Variants in AIM2 observed in about 807,000 individuals in gnomAD.
The protein encoded by AIM2 is absent in melanoma 2, also known as interferon-inducible protein AIM2.
In AIM2, 30 loss-of-function variants were observed where a neutral mutation model predicts 27.7. The observed-to-expected ratio is 1.08, with a 90% CI of 0.81 to 1.47. AIM2 has a LOEUF of 1.47. Among genes scored for constraint, AIM2 ranks in the 40% most tolerant of loss-of-function variants. The pLI is 0.00. For synonymous variants in AIM2, 141 were observed against 145.3 expected, an observed-to-expected ratio of 0.97 and a Z score of 0.21; for missense variants, 358 against 411.3, an observed-to-expected ratio of 0.87 and a Z score of 1.12.
At chr1:159,067,194 G>A (rs1346141490) in intron 3 of AIM2, among the ~76,000 whole-genome samples, 1 of 152,070 alleles carries the variant, frequency 6.6e-6, no homozygotes, top group Non-Finnish European at 1.5e-5. Flanking sequence ...AGCAGTTAAA[G>A]CACACACACA....
intron 1 of AIM2, among the ~76,000 whole-genome samples, chr1:159,093,689 A>G (rs1657101323): frequency 6.6e-6 from 1 of 151,176 alleles, no homozygotes; most frequent in Admixed American, 6.6e-5. Flanking sequence ...TTATTTATTT[A>G]GAAAATATAT....
chr1:159,055,543 C>T, the AIM2 span, among the ~76,000 whole-genome samples: 1 of 152,186 alleles, frequency 6.6e-6, no homozygotes. Flanking sequence ...TCTGGGCCTG[C>T]CTGATGTGAA....
At chr1:159,098,643 C>T (rs913038433) in intron 1 of AIM2, among the ~76,000 whole-genome samples, 5 of 152,050 alleles carry the variant, frequency 3.3e-5, no homozygotes, top group Admixed American at 6.6e-5. Context: ...ACACGGGATG[C>T]TGAAGGAAAA....
intron 1 of AIM2, among the ~76,000 whole-genome samples, chr1:159,139,942 C>T (rs541531123): frequency 6.6e-6 from 1 of 152,178 alleles, no homozygotes; most frequent in Non-Finnish European, 1.5e-5. Flanking sequence ...TTAAGCACCT[C>T]CATTACCATG....
intron 1 of AIM2, among the ~76,000 whole-genome samples, chr1:159,097,612 C>T (rs1657205191): frequency 6.6e-6 from 1 of 152,160 alleles, no homozygotes; most frequent in Non-Finnish European, 1.5e-5. Context: ...CCTCATTTCT[C>T]CACTTAACTG....
intron 1 of AIM2, among the ~76,000 whole-genome samples, chr1:159,083,355 TA>T (rs1656826275): frequency 6.6e-6 from 1 of 152,142 alleles, no homozygotes; most frequent in South Asian, 2.1e-4. Flanking sequence ...ATGGAGTGGC[TA>T]AAATTGAAAA....
At chr1:159,128,336 A>C (rs1258062489) in intron 1 of AIM2, among the ~76,000 whole-genome samples, 1 of 151,870 alleles carries the variant, frequency 6.6e-6, no homozygotes, top group African/African-American at 2.4e-5. Flanking sequence ...GGGTTACACG[A>C]GTGGCCTGTC....
chr1:159,144,979 A>G (rs1443861386), upstream of AIM2, among the ~76,000 whole-genome samples: 1 of 152,136 alleles, frequency 6.6e-6, no homozygotes, highest in Non-Finnish European at 1.5e-5. Context: ...CCCAGGCCCT[A>G]TGATGCCGTA....
Position 159,073,326 on chromosome 1 carries a change from C to A in AIM2, c.174G>T (p.Ala58=), listed in dbSNP as rs760542046. The change falls in exon 2 of 6, where the codon GCG becomes GCT. Residue 58 remains alanine (A), a synonymous_variant. Coordinates refer to ENST00000368130, the MANE Select transcript of AIM2 (RefSeq NM_004833.3). ...GAATGGTCTTCATCACTGCAGACAC[C>A]GCCCCAGCATTTTGAATCATCAAGG... ...VATLMIQNAG[A]VSAVMKTIRI... 4 of 1,614,054 alleles carry A rather than the reference C, an allele frequency of 2.5e-6. No homozygotes were observed. Among genetic ancestry groups the A allele is most frequent in the Non-Finnish European group, 3.4e-6 (4 of 1,180,046 alleles).
At chr1:159,108,750 G>A (rs551734819) in intron 1 of AIM2, among the ~76,000 whole-genome samples, 19 of 152,136 alleles carry the variant, frequency 1.2e-4, no homozygotes, top group Middle Eastern at 3.4e-3. Flanking sequence ...CATCAACAGC[G>A]TCCGAGCTGA....
chr1:159,110,710 T>C (rs1450076744), intron 1 of AIM2, among the ~76,000 whole-genome samples: 1 of 152,206 alleles, frequency 6.6e-6, no homozygotes, highest in Non-Finnish European at 1.5e-5. Context: ...GAAAAATATG[T>C]GTTCCTTCTC....
intron 2 of AIM2, among the ~76,000 whole-genome samples, chr1:159,070,193 G>A (rs201034296): frequency 1.3e-4 from 1 of 7,768 alleles, no homozygotes; most frequent in Non-Finnish European, 5.9e-3. Context: ...ACCTGTCTCA[G>A]TTAATTTGCC....
At chr1:159,131,187 A>G (rs984343679) in intron 1 of AIM2, among the ~76,000 whole-genome samples, 8 of 152,252 alleles carry the variant, frequency 5.3e-5, no homozygotes, top group African/African-American at 1.7e-4. Context: ...CTTATTCCCA[A>G]TGCATCTCCA....
Position 159,073,389 on chromosome 1 carries a change from T to C in AIM2, c.111A>G (p.Thr37=), listed in dbSNP as rs147420667. The C allele has an allele frequency of 1.2e-5, 20 of 1,614,242 alleles. No individual in the cohort carries two copies. Among genetic ancestry groups the C allele is most frequent in the Non-Finnish European group, 1.5e-5 (18 of 1,180,048 alleles). The change falls in exon 2 of 6, where the codon ACA becomes ACG. Residue 37 remains threonine, a synonymous_variant. Coordinates refer to ENST00000368130, the MANE Select transcript of AIM2 (RefSeq NM_004833.3). ...FFLSDEFNIA[T]GKLHTANRIQ... Reference sequence around the variant, plus strand: ...TTCTGTTTGCAGTATGTAGTTTGCCTGTGGCAATATTAAACTCGTCTGAAA... The same window carrying C: ...TTCTGTTTGCAGTATGTAGTTTGCCCGTGGCAATATTAAACTCGTCTGAAA...
intron 1 of AIM2, among the ~76,000 whole-genome samples, chr1:159,122,619 TG>T (rs1251296354): frequency 2.0e-5 from 3 of 152,114 alleles, no homozygotes; most frequent in African/African-American, 4.8e-5. Flanking sequence ...AGAAAAACAA[TG>T]GCACTGAGAA....
chr1:159,104,542 T>C (rs539298682), intron 1 of AIM2, among the ~76,000 whole-genome samples: 1 of 152,242 alleles, frequency 6.6e-6, no homozygotes, highest in Non-Finnish European at 1.5e-5. Context: ...AATTGAGATG[T>C]GCTGTAAGAT....
intron 1 of AIM2, among the ~76,000 whole-genome samples, chr1:159,130,850 A>G (rs1234267440): frequency 6.7e-6 from 1 of 148,768 alleles, no homozygotes; most frequent in East Asian, 2.0e-4. Flanking sequence ...ACACGCACGC[A>G]CTCTTCAAAT....
At chr1:159,069,888 T>C (rs997309346) in intron 2 of AIM2, among the ~76,000 whole-genome samples, 1 of 152,174 alleles carries the variant, frequency 6.6e-6, no homozygotes, top group African/African-American at 2.4e-5. Flanking sequence ...TTTCCTTCTG[T>C]CGAGGGGACC....
downstream of AIM2, among the ~76,000 whole-genome samples, chr1:159,062,318 A>T (rs933943634): frequency 6.6e-6 from 1 of 152,220 alleles, no homozygotes. Context: ...CACATGTTGT[A>T]CAGGATCTTC....
Sources: allele counts gnomAD v4.1 joint callset (sites outside exome capture counted in the v4.1 genomes callset), GRCh38; gene constraint gnomAD v4.1.1; transcripts MANE v1.5; gene names NCBI Gene and HGNC (gene_info 2026-07-23, HGNC 2026-07-21).